Variants in ABCC1 observed in about 807,000 individuals in gnomAD.
ABCC1 encodes ATP binding cassette subfamily C member 1 (ABCC1 blood group), also known as multidrug resistance-associated protein 1.
A neutral mutation model predicts 172.9 loss-of-function variants in ABCC1; 83 were observed. The ratio of observed to expected loss-of-function variants is 0.48; its 90% confidence interval spans 0.40 to 0.58. ABCC1 has a LOEUF of 0.58. ABCC1 is among the 20% of genes least tolerant of loss of function. The pLI is 0.00. For missense variants in ABCC1, 1,817 were observed against 2,002.7 expected (o/e 0.91, Z 1.77); for synonymous variants, 937 against 825.2 (o/e 1.14, Z -2.32).
At chr16:16,042,272 A>G (rs2049006148) in intron 7 of ABCC1, among the ~76,000 whole-genome samples, 1 of 151,952 alleles carries the variant, frequency 6.6e-6, no homozygotes, top group Admixed American at 6.6e-5. Flanking sequence ...ATATGTTCAT[A>G]AAAGGCTGGT....
chr16:16,129,343 G>T (rs560164451), intron 26 of ABCC1, among the ~76,000 whole-genome samples: 39 of 151,910 alleles, frequency 2.6e-4, no homozygotes, highest in Non-Finnish European at 4.7e-4. Flanking sequence ...CATTGTAAGC[G>T]CTCAATAATA....
In ABCC1 at chr16:16,142,936, A is replaced by AT. The variant is rs1205025813; in HGVS notation, c.*1661dup. ...CTTTTAGGCGAAAACGCATATATTT[A>AT]TTTTTTGTAAGTTATACCATTCTTT... is the stretch of plus-strand genomic sequence containing the variant. On this transcript the variant is annotated 3_prime_UTR_variant, in exon 31 of 31. Transcript: ENST00000399410. The AT allele has an allele frequency of 6.6e-6, 1 of 152,562 alleles. No individual in the cohort carries two copies. The highest frequency in any genetic ancestry group is 2.4e-5 in the African/African-American group (1 of 41,444). The allele number at this position is 152,562 out of a possible 1,614,324, so 9.5% of individuals were successfully genotyped here.
chr16:16,121,459 G>A (rs45471191), intron 23 of ABCC1, among the ~76,000 whole-genome samples: 26 of 152,302 alleles, frequency 1.7e-4, no homozygotes, highest in Admixed American at 4.6e-4. Context: ...CTGAGGTCTC[G>A]TTGACCTCAA....
chr16:16,112,833 C>G (rs1002997853), intron 22 of ABCC1, among the ~76,000 whole-genome samples: 3 of 152,190 alleles, frequency 2.0e-5, no homozygotes, highest in African/African-American at 7.2e-5. Context: ...CTTCACATTC[C>G]ACAGTGCTCC....
intron 1 of ABCC1, among the ~76,000 whole-genome samples, chr16:15,972,151 G>A (rs149146001): frequency 8.0e-4 from 122 of 152,198 alleles, no homozygotes; most frequent in African/African-American, 2.7e-3. Flanking sequence ...TTAAACATGC[G>A]CAGGATCATG....
At chr16:16,040,100 AT>A (rs1234871189) in intron 7 of ABCC1, among the ~76,000 whole-genome samples, 1 of 150,168 alleles carries the variant, frequency 6.7e-6, no homozygotes, top group Admixed American at 6.7e-5. Flanking sequence ...GTATGTATGT[AT>A]GTATGTATTT....
chr16:15,999,443 C>T, intron 1 of ABCC1, among the ~76,000 whole-genome samples: 1 of 151,760 alleles, frequency 6.6e-6, no homozygotes. Flanking sequence ...TGGAGAAACC[C>T]CATCTCTACT....
chr16:16,111,333 T>TGGGG, intron 21 of ABCC1, 42 bp from the exon 22 acceptor site: 1 of 1,148,218 alleles, frequency 8.7e-7, no homozygotes. Context: ...TGGGGCTGGG[T>TGGGG]GCGTGCATGT....
intron 14 of ABCC1, among the ~76,000 whole-genome samples, chr16:16,071,986 G>A (rs1034659815): frequency 2.0e-5 from 3 of 152,110 alleles, no homozygotes; most frequent in African/African-American, 7.2e-5. Flanking sequence ...CTTGCTGAGG[G>A]TCAGCAGCTG....
At chr16:16,086,424 C>G (rs1047768355) in intron 17 of ABCC1, among the ~76,000 whole-genome samples, 1 of 152,176 alleles carries the variant, frequency 6.6e-6, no homozygotes, top group African/African-American at 2.4e-5. Flanking sequence ...CACCCAGGAC[C>G]TGCTGTGTCC....
chr16:16,021,482 C>T (rs1016104833), intron 5 of ABCC1, among the ~76,000 whole-genome samples: 6 of 151,966 alleles, frequency 3.9e-5, no homozygotes, highest in Admixed American at 1.3e-4. Context: ...TTTGGGAGGC[C>T]GAGGCAGGTA....
chr16:16,004,365 T>G (rs936231430), intron 1 of ABCC1, among the ~76,000 whole-genome samples: 7 of 152,176 alleles, frequency 4.6e-5, no homozygotes, highest in Non-Finnish European at 1.0e-4. Flanking sequence ...CAGGGCACAT[T>G]CCTTTGGAAT....
At chr16:16,113,374 C>T (rs909832511) in intron 22 of ABCC1, among the ~76,000 whole-genome samples, 1 of 152,130 alleles carries the variant, frequency 6.6e-6, no homozygotes, top group Non-Finnish European at 1.5e-5. Context: ...ATTAAATAAA[C>T]GTTGGGCGCA....
In ABCC1 at chr16:16,125,863, C is replaced by G; in HGVS notation, c.3771C>G (p.Asn1257Lys). The G allele has an allele frequency of 6.2e-7, 1 of 1,614,102 alleles. No homozygotes were observed. Among genetic ancestry groups the G allele is most frequent in the Non-Finnish European group, 8.5e-7 (1 of 1,180,008 alleles). The change falls in exon 26 of 31, where the codon AAC becomes AAG. Residue 1257 changes from asparagine (N) to lysine (K), a missense_variant. Coordinates refer to ENST00000399410, the MANE Select transcript of ABCC1 (RefSeq NM_004996.4). ...GGATGTCATCTGAAATGGAAACCAACATCGTGGCCGTGGAGAGGCTCAAGG... is the reference window on the plus strand; with the variant it reads ...GGATGTCATCTGAAATGGAAACCAAGATCGTGGCCGTGGAGAGGCTCAAGG... The part of the protein sequence containing the change: ...LVRMSSEMET[N>K]IVAVERLKEY...
At chr16:15,988,013 A>G (rs152026) in intron 1 of ABCC1, among the ~76,000 whole-genome samples, 95,926 of 152,032 alleles carry the variant, frequency 0.63, 32,409 homozygotes, top group South Asian at 0.76. Flanking sequence ...GCTGGAGTGC[A>G]GTGGTGTGAT....
rs118131034 is a variant in ABCC1 at position 15,963,320 on chromosome 16, G to A, written c.48+13521G>A. The stretch of plus-strand genomic sequence containing the variant: ...TCACAGGTTGGCGTTGAGTGTCTCC[G>A]TCTTTTCCAGGCACACGATGTAGCT... On this transcript the variant is annotated intron_variant, in intron 1 of 30. Transcript: ENST00000399410. Among the ~76,000 whole-genome samples the A allele has an allele frequency of 1.9e-4, 29 of 152,342 alleles. No individual in the cohort carries two copies. In the East Asian group the frequency reaches 3.5e-3, roughly 18 times the overall value.
Position 15,949,707 on chromosome 16 carries a change from C to G in ABCC1, c.-45C>G, listed in dbSNP as rs2045818627. 2 of 1,090,752 alleles carry G rather than the reference C, an allele frequency of 1.8e-6. No homozygotes were observed. Among genetic ancestry groups the G allele is most frequent in the South Asian group, 7.1e-5 (2 of 28,140 alleles). 67.6% of individuals were successfully genotyped at this position (1,090,752 alleles called of 1,614,324 possible). ...CCGCCGCCCGCGCCAGCAACCGGGC[C>G]CGATCACCCGCCGCCCGGTGCCCGC... On this transcript the variant is annotated 5_prime_UTR_variant, in exon 1 of 31. Coordinates refer to ENST00000399410, the MANE Select transcript of ABCC1 (RefSeq NM_004996.4).
At chr16:16,099,012 C>A (rs917081175) in intron 19 of ABCC1, 1 of 965,466 alleles carries the variant, frequency 1.0e-6, no homozygotes, top group South Asian at 1.2e-5. Context: ...TGTGTTTTCA[C>A]CCCTCCGGTT....
chr16:15,950,790 C>T (rs961870231), intron 1 of ABCC1, among the ~76,000 whole-genome samples: 1 of 152,016 alleles, frequency 6.6e-6, no homozygotes, highest in Non-Finnish European at 1.5e-5. Context: ...TCAGGAGAAA[C>T]AGCCTTGGTT....
Sources: gnomAD v4.1 joint callset for allele counts (sites outside exome capture counted in the v4.1 genomes callset) on GRCh38, gnomAD v4.1.1 for gene constraint, MANE v1.5 for transcripts, NCBI Gene and HGNC (gene_info 2026-07-23, HGNC 2026-07-21) for gene names.